The following SNAP29 variants were observed in gnomAD, a reference collection of about 807,000 sequenced individuals.
SNAP29 encodes synaptosome associated protein 29, also known as synaptosomal-associated protein 29.
A neutral mutation model predicts 27.9 loss-of-function variants in SNAP29; 13 were observed. The ratio of observed to expected loss-of-function variants is 0.47; its 90% CI spans 0.30 to 0.74. The LOEUF is 0.74. SNAP29 is among the 30% of genes least tolerant of loss of function. The pLI is 0.06. For synonymous variants in SNAP29, 119 were observed against 127.1 expected (o/e 0.94, Z 0.43); for missense variants, 368 against 336.5 (o/e 1.09, Z -0.73).
Position 20,859,288 on chromosome 22 carries a change from A to AC in SNAP29, c.180dup (p.Ser61GlnfsTer51). 1 of 1,611,950 alleles carries AC rather than the reference A, an allele frequency of 6.2e-7. No individual in the cohort carries two copies. Among genetic ancestry groups the AC allele is most frequent in the Non-Finnish European group, 8.5e-7 (1 of 1,179,692 alleles). ...CAGGGCTGAGGCCACGGCCGCCAGC[A>AC]CCAGCAGGTCCCTGGCCCTCATGTA... On this transcript the variant is annotated frameshift_variant, in exon 1 of 5. Coordinates refer to ENST00000215730, the MANE Select transcript of SNAP29 (RefSeq NM_004782.4). LOFTEE classifies it high-confidence loss of function.
chr22:20,860,352 G>A lies in SNAP29; in HGVS notation c.237+1005G>A, dbSNP rs368915679. 1.8e-4 allele frequency among the ~76,000 whole-genome samples: 26 copies of A among 145,730 alleles called. No individual in the cohort carries two copies. In the East Asian group the frequency reaches 5.3e-3, roughly 30 times the overall value. On this transcript the variant is annotated intron_variant, in intron 1 of 4. Coordinates refer to ENST00000215730, the MANE Select transcript of SNAP29 (RefSeq NM_004782.4). ...AGCATGGGCAACAGACCGAGATCCTGGAGGGTCTTTTTCTTTTTCTTTTTT... is the reference window on the plus strand; with the variant it reads ...AGCATGGGCAACAGACCGAGATCCTAGAGGGTCTTTTTCTTTTTCTTTTTT...
intron 2 of SNAP29, among the ~76,000 whole-genome samples, chr22:20,874,991 C>A (rs1295819077): frequency 1.3e-5 from 2 of 152,102 alleles, no homozygotes; most frequent in Middle Eastern, 3.2e-3. Flanking sequence ...CACACCCTTC[C>A]ACATCCTACA....
rs956568438 is a variant in SNAP29, at chr22:20,889,334, T to C, written c.*1498T>C. The C allele has an allele frequency of 6.6e-6, 1 of 152,212 alleles. No individual in the cohort carries two copies. Among genetic ancestry groups the C allele is most frequent in the African/African-American group, 2.4e-5 (1 of 41,448 alleles). The allele number at this position is 152,212 out of a possible 1,614,324, so 9.4% of individuals were successfully genotyped here. On this transcript the variant is annotated 3_prime_UTR_variant, in exon 5 of 5. Coordinates refer to ENST00000215730, the MANE Select transcript of SNAP29 (RefSeq NM_004782.4). ...GTTTATAAAAATTCCCATCCCATAA[T>C]GCATGACCTTCCTAAAAATATCCAC...
chr22:20,882,679 AG>A (rs1437516017), intron 3 of SNAP29, among the ~76,000 whole-genome samples: 7 of 152,254 alleles, frequency 4.6e-5, no homozygotes, highest in Non-Finnish European at 8.8e-5. Context: ...ACCCTGGAGA[AG>A]GGGCACAGGA....
chr22:20,864,101 T>G (rs1269026918), intron 1 of SNAP29, among the ~76,000 whole-genome samples: 1 of 152,144 alleles, frequency 6.6e-6, no homozygotes, highest in Non-Finnish European at 1.5e-5. Context: ...ATCACTCCAG[T>G]GGAGGAGACT....
At chr22:20,881,163 A>G (rs990101925) in intron 3 of SNAP29, 29 bp downstream of exon 3, 2 of 1,464,788 alleles carry the variant, frequency 1.4e-6, no homozygotes, top group East Asian at 2.3e-5. Flanking sequence ...GCACAGCCAC[A>G]TTTGAATTCT....
intron 4 of SNAP29, among the ~76,000 whole-genome samples, chr22:20,887,468 T>TACAC (rs3041344): frequency 3.3e-5 from 5 of 149,394 alleles, no homozygotes; most frequent in South Asian, 4.2e-4. Flanking sequence ...CACACACACA[T>TACAC]ACACACACAC....
intron 2 of SNAP29, among the ~76,000 whole-genome samples, chr22:20,874,364 C>CG (rs1376339707): frequency 3.1e-4 from 16 of 51,494 alleles, no homozygotes; most frequent in African/African-American, 1.4e-3. Flanking sequence ...CACACACACA[C>CG]ACACACACAC....
At position 20,859,287 on chromosome 22, in the gene SNAP29, C is replaced by T. The variant is rs1343818320; in HGVS notation, c.177C>T (p.Ser59=). 1 of 1,611,748 alleles carries T rather than the reference C, an allele frequency of 6.2e-7. No individual in the cohort carries two copies. Among genetic ancestry groups the T allele is most frequent in the South Asian group, 1.1e-5 (1 of 90,728 alleles). Residue 59 remains serine (S), a synonymous_variant, in exon 1 of 5, where the codon AGC becomes AGT. Transcript: ENST00000215730. ...GCAGGGCTGAGGCCACGGCCGCCAGCACCAGCAGGTCCCTGGCCCTCATGT... is the reference window on the plus strand; with the variant it reads ...GCAGGGCTGAGGCCACGGCCGCCAGTACCAGCAGGTCCCTGGCCCTCATGT... ...VLRRAEATAA[S]TSRSLALMYE...
chr22:20,867,903 C>T (rs1298160282), intron 1 of SNAP29, among the ~76,000 whole-genome samples: 1 of 152,140 alleles, frequency 6.6e-6, no homozygotes, highest in Non-Finnish European at 1.5e-5. Flanking sequence ...GAGGAGCTCA[C>T]CATCAGGGAA....
At position 20,890,619 on chromosome 22, in the gene SNAP29, C is replaced by A; in HGVS notation, c.*2783C>A. 4.2e-6 allele frequency: 1 copy of A among 240,340 alleles called. No individual in the cohort carries two copies. The highest frequency in any genetic ancestry group is 7.9e-6 in the Non-Finnish European group (1 of 127,364). The allele number at this position is 240,340 out of a possible 1,614,324, so 14.9% of individuals were successfully genotyped here. ...AAAAACACACAAAAAATTAGCTGGGCGTGGTGGTGGGCGCCTGTAGTCCCA... is the reference window on the plus strand; with the variant it reads ...AAAAACACACAAAAAATTAGCTGGGAGTGGTGGTGGGCGCCTGTAGTCCCA... On this transcript the variant is annotated 3_prime_UTR_variant, in exon 5 of 5. Transcript: ENST00000215730.
At chr22:20,862,492 G>A (rs1928349096) in intron 1 of SNAP29, among the ~76,000 whole-genome samples, 1 of 152,194 alleles carries the variant, frequency 6.6e-6, no homozygotes, top group Admixed American at 6.5e-5. Flanking sequence ...GAGGACAGGG[G>A]ATGGAGGAGG....
Position 20,870,360 on chromosome 22 carries a change from C to G in SNAP29, c.261C>G (p.Val87=), listed in dbSNP as rs1186214132. Residue 87 remains valine, a synonymous_variant, in exon 2 of 5, where the codon GTC becomes GTG. Coordinates refer to ENST00000215730, the MANE Select transcript of SNAP29 (RefSeq NM_004782.4). The part of the protein sequence containing the change: ...SSEELARQRG[V]LERTEKMVDK... ...AGGAGCTCGCCCGTCAGCGAGGAGT[C>G]CTGGAGCGCACAGAGAAGATGGTGG... is the stretch of plus-strand genomic sequence containing the variant. 6.2e-7 allele frequency: 1 copy of G among 1,614,006 alleles called. No homozygotes were observed. The highest frequency in any genetic ancestry group is 8.5e-7 in the Non-Finnish European group (1 of 1,180,014).
In SNAP29 at chr22:20,859,201, C is replaced by G. The variant is rs768945662; in HGVS notation, c.91C>G (p.Leu31Val). Residue 31 changes from leucine to valine, a missense_variant, in exon 1 of 5, where the codon CTC (leucine) becomes GTC (valine). By Grantham distance (32) the Leu-to-Val change is conservative (BLOSUM62 1). Coordinates refer to ENST00000215730, the MANE Select transcript of SNAP29 (RefSeq NM_004782.4). ...GGCCCCTTGGAGGGACGCCCGAGAC[C>G]TCCCCGACGGGCCCGACGCGCCCGC... The part of the protein sequence containing the change: ...RPAPWRDARD[L>V]PDGPDAPADR... The G allele has an allele frequency of 6.2e-5, 99 of 1,602,328 alleles. No individual in the cohort carries two copies. The highest frequency in any genetic ancestry group is 8.2e-5 in the Non-Finnish European group (96 of 1,175,778).
intron 2 of SNAP29, among the ~76,000 whole-genome samples, chr22:20,874,232 G>A (rs978549577): frequency 6.2e-5 from 9 of 144,980 alleles, no homozygotes; most frequent in Admixed American, 2.8e-4. Context: ...CTGAGATCAC[G>A]CCACTGCAAC....
At chr22:20,859,745 C>T (rs1601641457) in intron 1 of SNAP29, 1 of 264,230 alleles carries the variant, frequency 3.8e-6, no homozygotes, top group East Asian at 1.1e-4. Flanking sequence ...TTGGCCATTC[C>T]TTCCGGAGTG....
At chr22:20,866,915 GTA>G (rs1461702914) in intron 1 of SNAP29, among the ~76,000 whole-genome samples, 2 of 152,152 alleles carry the variant, frequency 1.3e-5, no homozygotes, top group East Asian at 3.8e-4. Flanking sequence ...CTCTGTGTGT[GTA>G]TGTGTTTGTG....
Position 20,883,547 on chromosome 22 carries a change from C to T in SNAP29, c.597C>T (p.His199=), listed in dbSNP as rs1469096259. 3.1e-6 allele frequency: 5 copies of T among 1,612,418 alleles called. No individual in the cohort carries two copies. The highest frequency in any genetic ancestry group is 2.5e-6 in the Non-Finnish European group (3 of 1,178,530). ...YPKNPHLRAY[H]QKIDSNLDEL... is the part of the protein sequence containing the mutation. ...AGAACCCACACCTTCGAGCCTATCA[C>T]CAGAAGATCGACAGCAACCTAGGTA... Residue 199 remains histidine (H), a synonymous_variant, in exon 4 of 5, where the codon CAC becomes CAT. Transcript: ENST00000215730.
intron 3 of SNAP29, among the ~76,000 whole-genome samples, chr22:20,883,018 T>C (rs1402986116): frequency 6.6e-6 from 1 of 151,924 alleles, no homozygotes; most frequent in Admixed American, 6.6e-5. Flanking sequence ...TTTTTGCGTA[T>C]TTGTTTCAAG....
Sources: gnomAD v4.1 joint callset for allele counts (sites outside exome capture counted in the v4.1 genomes callset) on GRCh38, gnomAD v4.1.1 for gene constraint, MANE v1.5 for transcripts, NCBI Gene and HGNC (gene_info 2026-07-23, HGNC 2026-07-21) for gene names.